NFYC: variants seen among roughly 807,000 people sequenced by gnomAD.
The protein encoded by NFYC is CAAT box DNA-binding protein subunit C.
NFYC carries 25 observed loss-of-function variants against 53.1 expected under a neutral mutation model. The observed-to-expected ratio is 0.47, with a 90% CI of 0.34 to 0.66. NFYC has a LOEUF of 0.66. Ranked by LOEUF, NFYC falls within the 30% of genes least tolerant of loss-of-function variation. NFYC has a pLI of 0.01. For missense variants in NFYC, 260 were observed against 422.7 expected (o/e 0.62, Z 3.38); for synonymous variants, 145 against 152.6 (o/e 0.95, Z 0.37).
chr1:40,759,803 A>G (rs1044846775), intron 6 of NFYC, among the ~76,000 whole-genome samples: 1 of 152,136 alleles, frequency 6.6e-6, no homozygotes, highest in African/African-American at 2.4e-5. Flanking sequence ...GGTGAGAAAC[A>G]GTACAGGGGG....
At chr1:40,716,996 A>ACG (rs1644160788) in intron 1 of NFYC, among the ~76,000 whole-genome samples, 1 of 152,154 alleles carries the variant, frequency 6.6e-6, no homozygotes, top group South Asian at 2.1e-4. Flanking sequence ...GATTTGGGGC[A>ACG]CGTGGAATTT....
chr1:40,749,864 G>T (rs928033648), intron 4 of NFYC, among the ~76,000 whole-genome samples, 178 bp downstream of exon 4: 1 of 152,194 alleles, frequency 6.6e-6, no homozygotes, highest in African/African-American at 2.4e-5. Flanking sequence ...CATCACCACT[G>T]TTGGGAGGCA....
intron 4 of NFYC, among the ~76,000 whole-genome samples, chr1:40,751,486 G>A (rs947989050): frequency 4.6e-5 from 7 of 152,084 alleles, no homozygotes; most frequent in Non-Finnish European, 1.0e-4. Context: ...GCTCATTGCA[G>A]CCTCGACCTC....
At chr1:40,726,062 A>G (rs1319395252) in intron 1 of NFYC, among the ~76,000 whole-genome samples, 1 of 151,854 alleles carries the variant, frequency 6.6e-6, no homozygotes, top group African/African-American at 2.4e-5. Flanking sequence ...TTCGGGTGGT[A>G]GTTGCTGAAG....
At chr1:40,748,074 G>A (rs750599933) in intron 3 of NFYC, among the ~76,000 whole-genome samples, 4 of 151,990 alleles carry the variant, frequency 2.6e-5, no homozygotes, top group Non-Finnish European at 4.4e-5. Flanking sequence ...GACCTCAGGT[G>A]ATATGCCTGC....
intron 1 of NFYC, among the ~76,000 whole-genome samples, chr1:40,717,159 A>G (rs917895689): frequency 3.3e-5 from 5 of 151,738 alleles, no homozygotes; most frequent in African/African-American, 1.2e-4. Context: ...ACAGGAGAGA[A>G]TCAAGAAAGA....
intron 3 of NFYC, among the ~76,000 whole-genome samples, chr1:40,747,961 G>A (rs936954133): frequency 6.6e-6 from 1 of 150,996 alleles, no homozygotes; most frequent in Non-Finnish European, 1.5e-5. Context: ...TCAGACTCCC[G>A]AGTAGCTAGG....
chr1:40,728,465 C>T (rs1461471973), intron 1 of NFYC, among the ~76,000 whole-genome samples: 1 of 150,878 alleles, frequency 6.6e-6, no homozygotes, highest in Non-Finnish European at 1.5e-5. Flanking sequence ...GGCGTGGTGG[C>T]GCATGCCTGC....
intron 8 of NFYC, 119 bp from the exon 9 acceptor site, chr1:40,769,237 C>T (rs1646969026): frequency 1.0e-6 from 1 of 972,524 alleles, no homozygotes; most frequent in South Asian, 1.4e-5. Flanking sequence ...CCATTGAGCA[C>T]CTGCTGGGCA....
chr1:40,702,482 A>G (rs1159665252), intron 1 of NFYC, among the ~76,000 whole-genome samples: 1 of 151,498 alleles, frequency 6.6e-6, no homozygotes, highest in Non-Finnish European at 1.5e-5. Context: ...AGCTGGGACT[A>G]CAGGTGTGTG....
intron 6 of NFYC, among the ~76,000 whole-genome samples, chr1:40,760,144 A>T (rs1000217957): frequency 1.1e-4 from 16 of 152,062 alleles, no homozygotes; most frequent in African/African-American, 3.6e-4. Context: ...TTTTGTGGAG[A>T]TGGGGTCTCA....
At chr1:40,727,723 G>A (rs992246316) in intron 1 of NFYC, among the ~76,000 whole-genome samples, 1 of 151,876 alleles carries the variant, frequency 6.6e-6, no homozygotes, top group African/African-American at 2.4e-5. Context: ...AGTAGAGACA[G>A]GGTTTCACCA....
intron 1 of NFYC, among the ~76,000 whole-genome samples, chr1:40,706,867 T>C (rs11803654): frequency 0.21 from 31,774 of 152,026 alleles, 3,386 homozygotes; most frequent in African/African-American, 0.23. Flanking sequence ...AGCTCTGCTG[T>C]GCTTATTCTT....
At chr1:40,699,961 A>G (rs1306502696) in intron 1 of NFYC, among the ~76,000 whole-genome samples, 1 of 152,202 alleles carries the variant, frequency 6.6e-6, no homozygotes, top group Non-Finnish European at 1.5e-5. Context: ...ACGCGGTGTT[A>G]CTCAGACTTA....
At chr1:40,747,350 A>G (rs772652136) in intron 2 of NFYC, among the ~76,000 whole-genome samples, 184 bp from the exon 3 acceptor site, 3 of 151,568 alleles carry the variant, frequency 2.0e-5, no homozygotes, top group East Asian at 3.9e-4. Context: ...GAAGACCTGC[A>G]TATGTTAAGT....
At chr1:40,739,700 G>A (rs1570561211) in intron 2 of NFYC, among the ~76,000 whole-genome samples, 1 of 152,170 alleles carries the variant, frequency 6.6e-6, no homozygotes, top group South Asian at 2.1e-4. Context: ...TAGTCAGTAG[G>A]TATTTACTAA....
intron 1 of NFYC, among the ~76,000 whole-genome samples, chr1:40,701,860 C>T (rs918632555): frequency 6.6e-6 from 1 of 152,148 alleles, no homozygotes; most frequent in African/African-American, 2.4e-5. Context: ...AAACTGGCCT[C>T]GATGGAGTTG....
chr1:40,709,834 A>G (rs1236340270), intron 1 of NFYC, among the ~76,000 whole-genome samples: 1 of 152,176 alleles, frequency 6.6e-6, no homozygotes, highest in Non-Finnish European at 1.5e-5. Context: ...GAGAAAGGCT[A>G]ATCATTTTTC....
Position 40,694,695 on chromosome 1 carries a change from T to C in NFYC, c.-9+2828T>C, listed in dbSNP as rs142826662. ...TTCTGGAGCAACCTGCCCTTCAACA[T>C]TGGTGACCACCTTCATTCCATGTTA... On this transcript the variant is annotated intron_variant, in intron 1 of 9. Transcript: ENST00000447388. Among the ~76,000 whole-genome samples the C allele has an allele frequency of 2.1e-3, 325 of 152,126 alleles. 1 individual carries two copies. Among genetic ancestry groups the C allele is most frequent in the African/African-American group, 7.6e-3 (316 of 41,500 alleles).
Sources: gnomAD v4.1 joint callset for allele counts (sites outside exome capture counted in the v4.1 genomes callset) on GRCh38, gnomAD v4.1.1 for gene constraint, MANE v1.5 for transcripts, NCBI Gene and HGNC (gene_info 2026-07-23, HGNC 2026-07-21) for gene names.